The following AGBL4 variants were observed in gnomAD, a reference collection of about 807,000 sequenced individuals.
AGBL4 encodes the protein cytosolic carboxypeptidase 6.
In AGBL4, 58 loss-of-function variants were observed where a neutral mutation model predicts 66.4. That is an observed-to-expected ratio of 0.87 (90% confidence interval 0.71 to 1.09). AGBL4 has a LOEUF of 1.09. Among genes scored for constraint, AGBL4 ranks in the 50% least tolerant of loss-of-function variants. The pLI is 0.00. For missense variants in AGBL4, 579 were observed against 631.0 expected (o/e 0.92, Z 0.88); for synonymous variants, 234 against 222.9 (o/e 1.05, Z -0.44).
At chr1:49,558,631 G>A (rs982379733) in intron 3 of AGBL4, among the ~76,000 whole-genome samples, 2 of 152,090 alleles carry the variant, frequency 1.3e-5, no homozygotes, top group South Asian at 2.1e-4. Context: ...GAGCCACCAC[G>A]CCTAGCTGGG....
intron 9 of AGBL4, among the ~76,000 whole-genome samples, chr1:48,594,701 G>A (rs1644969517): frequency 6.6e-6 from 1 of 152,048 alleles, no homozygotes; most frequent in Admixed American, 6.6e-5. Context: ...ATATGGTCAT[G>A]GAATGTGAGG....
intron 2 of AGBL4, among the ~76,000 whole-genome samples, chr1:49,751,624 T>C (rs1350164752): frequency 6.6e-6 from 1 of 152,182 alleles, no homozygotes; most frequent in African/African-American, 2.4e-5. Context: ...TACCTCTTGT[T>C]CTGTTGCTTA....
chr1:48,799,420 TACAATCACATCATTGGCA>T (rs1298602385), intron 6 of AGBL4, among the ~76,000 whole-genome samples: 9 of 152,176 alleles, frequency 5.9e-5, no homozygotes, highest in African/African-American at 1.9e-4. Flanking sequence ...TTTTTAGGTG[TACAATCACATCATTGGCA>T]AACAGTGACA....
At chr1:49,840,163 A>C (rs1557500651) in intron 2 of AGBL4, among the ~76,000 whole-genome samples, 1 of 152,144 alleles carries the variant, frequency 6.6e-6, no homozygotes, top group Non-Finnish European at 1.5e-5. Flanking sequence ...ATATTGGTCT[A>C]TTCAGAATTT....
Position 49,845,128 on chromosome 1 carries a change from C to T in AGBL4, c.157+6268G>A, listed in dbSNP as rs958433354. The T allele has an allele frequency of 3.5e-6, 5 of 1,412,290 alleles. No homozygotes were observed. The African/African-American group carries it at 7.1e-5, about 20-fold the overall frequency. The allele number at this position is 1,412,290 out of a possible 1,614,324, so 87.5% of individuals were successfully genotyped here. On this transcript the variant is annotated intron_variant, in intron 2 of 13. Coordinates refer to ENST00000371839, the MANE Select transcript of AGBL4 (RefSeq NM_032785.4). Reference sequence around the variant, plus strand: ...TAGTCACAGCTCAGCACTTACCCAACACCACCGTACGCATACAGGACAGAG... The same window carrying T: ...TAGTCACAGCTCAGCACTTACCCAATACCACCGTACGCATACAGGACAGAG...
intron 4 of AGBL4, among the ~76,000 whole-genome samples, chr1:49,129,878 G>A (rs977247792): frequency 1.3e-5 from 2 of 152,164 alleles, no homozygotes; most frequent in African/African-American, 4.8e-5. Flanking sequence ...AGATCCCTGA[G>A]GAATCGCCAC....
chr1:49,604,496 C>A (rs1376697411), intron 3 of AGBL4, among the ~76,000 whole-genome samples: 1 of 152,078 alleles, frequency 6.6e-6, no homozygotes, highest in Non-Finnish European at 1.5e-5. Flanking sequence ...GCATAGTTTG[C>A]CAACATTTTC....
intron 8 of AGBL4, among the ~76,000 whole-genome samples, chr1:48,650,593 T>C (rs925780186): frequency 6.6e-6 from 1 of 152,106 alleles, no homozygotes; most frequent in Non-Finnish European, 1.5e-5. Flanking sequence ...ATTATTTGAA[T>C]TTAGAAAAAC....
At chr1:49,814,977 A>G (rs946583344) in intron 2 of AGBL4, among the ~76,000 whole-genome samples, 9 of 152,176 alleles carry the variant, frequency 5.9e-5, no homozygotes, top group African/African-American at 2.2e-4. Flanking sequence ...CATCACAGAA[A>G]ATGGGGTATT....
chr1:49,549,403 G>C (rs191524340), intron 3 of AGBL4, among the ~76,000 whole-genome samples: 1 of 151,700 alleles, frequency 6.6e-6, no homozygotes, highest in South Asian at 2.1e-4. Context: ...CAATCTTTTT[G>C]ATGTAGGCGT....
intron 2 of AGBL4, among the ~76,000 whole-genome samples, chr1:49,828,022 A>ATT (rs1414993629): frequency 2.8e-4 from 42 of 152,216 alleles, no homozygotes; most frequent in Non-Finnish European, 2.9e-5. Flanking sequence ...AAAATGTTAT[A>ATT]ATATGTGCAT....
chr1:48,962,127 G>A (rs11205579), intron 5 of AGBL4, among the ~76,000 whole-genome samples: 21,493 of 133,092 alleles, frequency 0.16, 2,798 homozygotes, highest in African/African-American at 0.38. Context: ...CCATCCATCC[G>A]TCCATCCATC....
chr1:49,912,460 C>T (rs1409678850), intron 1 of AGBL4, among the ~76,000 whole-genome samples: 1 of 152,202 alleles, frequency 6.6e-6, no homozygotes, highest in Non-Finnish European at 1.5e-5. Flanking sequence ...TGTAACATTA[C>T]CAAACATTAT....
intron 3 of AGBL4, among the ~76,000 whole-genome samples, chr1:49,427,228 G>A (rs1645681858): frequency 1.3e-5 from 2 of 152,144 alleles, no homozygotes; most frequent in Admixed American, 1.3e-4. Flanking sequence ...GGTGGATCTT[G>A]CTAAGTAAAC....
intron 6 of AGBL4, among the ~76,000 whole-genome samples, chr1:48,760,299 TAGG>T (rs1644186327): frequency 6.6e-6 from 1 of 152,140 alleles, no homozygotes; most frequent in South Asian, 2.1e-4. Context: ...GCAGGAGGGT[TAGG>T]AGCTCTCCTG....
intron 8 of AGBL4, among the ~76,000 whole-genome samples, chr1:48,643,626 A>G (rs912157264): frequency 6.6e-6 from 1 of 152,250 alleles, no homozygotes; most frequent in Non-Finnish European, 1.5e-5. Flanking sequence ...TCGTAGGTTC[A>G]TGAGGTTGTT....
chr1:49,653,165 G>A (rs1161754355), intron 3 of AGBL4, among the ~76,000 whole-genome samples: 2 of 152,108 alleles, frequency 1.3e-5, no homozygotes, highest in African/African-American at 4.8e-5. Context: ...AACTCCAGGG[G>A]CAGGAGGGAC....
chr1:49,603,722 C>T (rs1645009998), intron 3 of AGBL4, among the ~76,000 whole-genome samples: 1 of 151,950 alleles, frequency 6.6e-6, no homozygotes, highest in African/African-American at 2.4e-5. Flanking sequence ...TCCCCTCCCT[C>T]CCCCATTCTG....
chr1:49,637,093 C>T (rs1226804859), intron 3 of AGBL4, among the ~76,000 whole-genome samples: 1 of 152,144 alleles, frequency 6.6e-6, no homozygotes, highest in East Asian at 1.9e-4. Context: ...TGCCCTTGAA[C>T]ACTGGACTCC....
Sources: allele counts gnomAD v4.1 joint callset (sites outside exome capture counted in the v4.1 genomes callset), GRCh38; gene constraint gnomAD v4.1.1; transcripts MANE v1.5; gene names NCBI Gene and HGNC (gene_info 2026-07-23, HGNC 2026-07-21).